SLC5A6: variants seen among roughly 807,000 people sequenced by gnomAD.
SLC5A6 encodes sodium-dependent multivitamin transporter.
SLC5A6 carries 31 observed loss-of-function variants against 67.9 expected under a neutral mutation model. That is an observed-to-expected ratio of 0.46 (90% confidence interval 0.34 to 0.62). The LOEUF is 0.62. SLC5A6 is among the 20% of genes least tolerant of loss of function. The probability of loss-of-function intolerance (pLI) is 0.01; values close to 1 mark genes in which losing one functional copy is unlikely to be tolerated. For missense variants in SLC5A6, 673 were observed against 812.8 expected (o/e 0.83, Z 2.09); for synonymous variants, 343 against 331.0 (o/e 1.04, Z -0.39).
chr2:27,210,438 C>T (rs28413609), intron 2 of SLC5A6, among the ~76,000 whole-genome samples: 1 of 148,464 alleles, frequency 6.7e-6, no homozygotes, highest in Non-Finnish European at 1.5e-5. Context: ...ACCCCCCCCC[C>T]TTTTTTTTTG....
At chr2:27,212,541 C>T (rs1373226809), upstream of SLC5A6, 6 of 1,501,054 alleles carry the variant, frequency 4.0e-6, no homozygotes, top group Non-Finnish European at 5.3e-6. Context: ...CCAGCGGCTC[C>T]CCCTTCTCCT....
chr2:27,201,757 G>A lies in SLC5A6; in HGVS notation c.1453C>T (p.Pro485Ser). The part of the protein sequence containing the change: ...IVTSMGSSMP[P>S]SPSNGSSFSL... ...AAGCTGGACCCATTAGAGGGAGAGG[G>A]TGGCATGCTGGAGCCCATGCTGGTC... Residue 485 changes from proline to serine, a missense_variant, in exon 14 of 17, where the codon CCC (proline) becomes TCC (serine). Coordinates refer to ENST00000310574, the MANE Select transcript of SLC5A6 (RefSeq NM_021095.4). The A allele has an allele frequency of 6.2e-7, 1 of 1,614,120 alleles. No homozygotes were observed. Among genetic ancestry groups the A allele is most frequent in the South Asian group, 1.1e-5 (1 of 91,080 alleles).
At position 27,203,272 on chromosome 2, in the gene SLC5A6, A is replaced by G. The variant is rs1673789364; in HGVS notation, c.1168T>C (p.Phe390Leu). Reference protein sequence around the residue: ...EDLIRPWFPEFSEARAIMLSR... With the variant: ...EDLIRPWFPELSEARAIMLSR... ...AGCATGATGGCCCGGGCTTCAGAGA[A>G]CTCAGGGAACCAAGGTCGAATCAGG... The change falls in exon 11 of 17, where the codon TTC becomes CTC. Residue 390 changes from phenylalanine (F) to leucine (L), a missense_variant. Phe to Leu is a conservative substitution (Grantham distance 22). Transcript: ENST00000310574. The G allele has an allele frequency of 2.5e-6, 4 of 1,614,054 alleles. No individual in the cohort carries two copies.
At chr2:27,205,585 C>T in intron 6 of SLC5A6, 81 bp from the exon 7 acceptor site, 1 of 1,533,754 alleles carries the variant, frequency 6.5e-7, no homozygotes. Context: ...GTTGTTGCTC[C>T]ATTTTGTTTT....
chr2:27,205,311 G>T, intron 7 of SLC5A6, 39 bp downstream of exon 7: 1 of 1,600,990 alleles, frequency 6.2e-7, no homozygotes, highest in Non-Finnish European at 8.5e-7. Flanking sequence ...TCAGCGCCCA[G>T]GCACTGCAGA....
Position 27,207,084 on chromosome 2 carries a change from C to A in SLC5A6, c.394-142G>T. 1 of 1,022,720 alleles carries A rather than the reference C, an allele frequency of 9.8e-7. No homozygotes were observed. The highest frequency in any genetic ancestry group is 1.4e-5 in the South Asian group (1 of 72,840). 63.4% of individuals were successfully genotyped at this position (1,022,720 alleles called of 1,614,324 possible). A position where few individuals can be genotyped will look rare whatever the true frequency, so the allele number is the denominator to read the frequency against. ...CTACTCGGCATAGCACCCTCCTCTC[C>A]AATCCTGCCCCTATACCTAACATCA... is the stretch of plus-strand genomic sequence containing the variant. On this transcript the variant is annotated intron_variant, in intron 3 of 16. Coordinates refer to ENST00000310574, the MANE Select transcript of SLC5A6 (RefSeq NM_021095.4). This position sits in a 1 kb window ranked among gnomAD's most constrained non-coding sequence, Gnocchi z 5.5.
chr2:27,205,020 G>A (rs554677290), intron 7 of SLC5A6, 89 bp from the exon 8 acceptor site: 2 of 1,509,596 alleles, frequency 1.3e-6, no homozygotes, highest in Non-Finnish European at 1.8e-6. Flanking sequence ...GGACAGGAAA[G>A]GAGAGACACC....
Position 27,207,012 on chromosome 2 carries a change from A to T in SLC5A6, c.394-70T>A. 1 of 1,341,724 alleles carries T rather than the reference A, an allele frequency of 7.5e-7. No individual in the cohort carries two copies. The highest frequency in any genetic ancestry group is 1.1e-6 in the Non-Finnish European group (1 of 931,928). 83.1% of individuals were successfully genotyped at this position (1,341,724 alleles called of 1,614,324 possible). ...CAACTCACAGACAAATTCCCTCAAG[A>T]TGCTCAGGAACATGAGGGAATATCC... On this transcript the variant is annotated intron_variant, in intron 3 of 16. Coordinates refer to ENST00000310574, the MANE Select transcript of SLC5A6 (RefSeq NM_021095.4). This position sits in a 1 kb window ranked among gnomAD's most constrained non-coding sequence, Gnocchi z 5.5.
chr2:27,212,459 C>G (rs1452077882), upstream of SLC5A6: 4 of 1,563,456 alleles, frequency 2.6e-6, no homozygotes, highest in African/African-American at 1.4e-5. Flanking sequence ...GGCTCTGGCG[C>G]TACCCGAGGT....
intron 5 of SLC5A6, 53 bp downstream of exon 5, chr2:27,206,430 G>A: frequency 6.5e-7 from 1 of 1,543,036 alleles, no homozygotes; most frequent in Non-Finnish European, 9.0e-7. Flanking sequence ...CTCTCCCAAA[G>A]GTGCTTTCCT....
At position 27,206,569 on chromosome 2, in the gene SLC5A6, A is replaced by G; in HGVS notation, c.460-35T>C. 2.5e-6 allele frequency: 4 copies of G among 1,597,994 alleles called. No individual in the cohort carries two copies. In the South Asian group the frequency reaches 4.4e-5, roughly 18 times the overall value. On this transcript the variant is annotated intron_variant, in intron 4 of 16. Transcript: ENST00000310574. The stretch of plus-strand genomic sequence containing the variant: ...GTGGAAAAAATGTGATGGGGGCCGG[A>G]GAATGGTGGGAAGAGAGAGGAAGAA...
At position 27,207,159 on chromosome 2, in the gene SLC5A6, G is replaced by A. The variant is rs934645799; in HGVS notation, c.393+99C>T. 4 of 1,281,426 alleles carry A rather than the reference G, an allele frequency of 3.1e-6. No individual in the cohort carries two copies. Among genetic ancestry groups the A allele is most frequent in the East Asian group, 2.3e-5 (1 of 43,166 alleles). 79.4% of individuals were successfully genotyped at this position (1,281,426 alleles called of 1,614,324 possible). On this transcript the variant is annotated intron_variant, in intron 3 of 16. Coordinates refer to ENST00000310574, the MANE Select transcript of SLC5A6 (RefSeq NM_021095.4). The surrounding 1 kb of genome is among the most constrained non-coding windows in gnomAD (Gnocchi z 5.5). Reference sequence around the variant, plus strand: ...ATGAGTTTTCTGTCCCTCTCATTAGGTGGAGGAGGTCTAGGGTCCCAGGTC... The same window carrying A: ...ATGAGTTTTCTGTCCCTCTCATTAGATGGAGGAGGTCTAGGGTCCCAGGTC...
rs544904554 is a variant in SLC5A6, at chr2:27,200,601, G to T, written c.1765-22C>A. On this transcript the variant is annotated intron_variant, in intron 16 of 16. Coordinates refer to ENST00000310574, the MANE Select transcript of SLC5A6 (RefSeq NM_021095.4). Reference sequence around the variant, plus strand: ...GGTCCTGCAAACACAGAGCCAAAGGGGTGGAACTGGTGAAGACGGATGACG... The same window carrying T: ...GGTCCTGCAAACACAGAGCCAAAGGTGTGGAACTGGTGAAGACGGATGACG... 4.4e-6 allele frequency: 7 copies of T among 1,600,850 alleles called. No individual in the cohort carries two copies. In the Admixed American group the frequency reaches 1.2e-4, roughly 28 times the overall value.
At position 27,207,299 on chromosome 2, in the gene SLC5A6, T is replaced by C; in HGVS notation, c.352A>G (p.Ile118Val). Residue 118 changes from isoleucine (I) to valine (V), a missense_variant, in exon 3 of 17, where the codon ATC becomes GTC. Ile to Val is a conservative substitution (Grantham distance 29, BLOSUM62 3). Transcript: ENST00000310574. This position sits in a 1 kb window ranked among gnomAD's most constrained non-coding sequence, Gnocchi z 5.5. ...AGATGCAGGCGGTAGAAAACGGGGATGAAGATGTGTGCAGGTATCAGCAGC... is the reference window on the plus strand; with the variant it reads ...AGATGCAGGCGGTAGAAAACGGGGACGAAGATGTGTGCAGGTATCAGCAGC... ...LGLLIPAHIF[I>V]PVFYRLHLTS... The C allele has an allele frequency of 1.2e-6, 2 of 1,613,850 alleles. No homozygotes were observed. Among genetic ancestry groups the C allele is most frequent in the Non-Finnish European group, 1.7e-6 (2 of 1,180,022 alleles).
chr2:27,201,551 C>A, intron 14 of SLC5A6, 98 bp from the exon 15 acceptor site: 1 of 1,355,676 alleles, frequency 7.4e-7, no homozygotes, highest in African/African-American at 1.4e-5. Flanking sequence ...GGTCTTGGGA[C>A]CCAATACCCA....
chr2:27,210,956 G>A (rs1458984226), intron 2 of SLC5A6, among the ~76,000 whole-genome samples: 9 of 151,926 alleles, frequency 5.9e-5, no homozygotes, highest in South Asian at 2.1e-4. Context: ...CCCGCGAGGC[G>A]GAGCTTGCAG....
At chr2:27,209,669 G>C (rs1330205282) in intron 2 of SLC5A6, among the ~76,000 whole-genome samples, 2 of 152,178 alleles carry the variant, frequency 1.3e-5, no homozygotes, top group African/African-American at 4.8e-5. Flanking sequence ...AACTAATCAA[G>C]AGACAGACTA....
chr2:27,203,406 CTA>C, intron 10 of SLC5A6, 61 bp from the exon 11 acceptor site: 1 of 1,437,038 alleles, frequency 7.0e-7, no homozygotes. Flanking sequence ...CTATGGGACT[CTA>C]TGGAGGAAAT....
intron 9 of SLC5A6, 62 bp downstream of exon 9, chr2:27,204,399 C>T (rs949427318): frequency 1.3e-6 from 2 of 1,540,472 alleles, no homozygotes; most frequent in Non-Finnish European, 1.8e-6. Context: ...TCCTTTCCTA[C>T]CTAGACACTC....
Sources: allele counts gnomAD v4.1 joint callset (sites outside exome capture counted in the v4.1 genomes callset), GRCh38; gene constraint gnomAD v4.1.1; non-coding constraint Gnocchi (gnomAD v3.1); transcripts MANE v1.5; gene names NCBI Gene and HGNC (gene_info 2026-07-23, HGNC 2026-07-21).